Variants in GPKOW observed in about 807,000 individuals in gnomAD.
GPKOW encodes G-patch domain and KOW motifs.
For missense variants in GPKOW, 359 were observed against 404.7 expected, an observed-to-expected ratio of 0.89 and a Z score of 0.97; for synonymous variants, 167 against 159.1, an observed-to-expected ratio of 1.05 and a Z score of -0.37.
intron 3 of GPKOW, among the ~76,000 whole-genome samples, chrX:49,121,847 C>T (rs1477370025): frequency 8.9e-6 from 1 of 111,890 alleles, no homozygotes; most frequent in Non-Finnish European, 1.9e-5. Context: ...GGTCTAAGTC[C>T]CCAGCATCTC....
chrX:49,118,874 A>G (rs782293077), intron 4 of GPKOW, among the ~76,000 whole-genome samples: 1 of 109,925 alleles, frequency 9.1e-6, no homozygotes, highest in Non-Finnish European at 1.9e-5. Context: ...CTGCATGACA[A>G]TAGCAAATGT....
At chrX:49,117,190 T>C (rs368001080) in intron 5 of GPKOW, 28 bp from the exon 6 acceptor site, 14 of 1,204,219 alleles carry the variant, frequency 1.2e-5, no homozygotes, top group Non-Finnish European at 1.6e-5. Flanking sequence ...AGAAGTCAGG[T>C]AGGGGTTGTG....
chrX:49,118,505 G>A (rs1020004298), intron 4 of GPKOW, among the ~76,000 whole-genome samples: 34 of 109,401 alleles, frequency 3.1e-4, no homozygotes, highest in African/African-American at 9.3e-4. Context: ...TTGGGAGACC[G>A]AGGTTGGTAG....
At chrX:49,116,746 C>A (rs979820753) in intron 6 of GPKOW, among the ~76,000 whole-genome samples, 1 of 112,031 alleles carries the variant, frequency 8.9e-6, no homozygotes, top group South Asian at 3.7e-4. Flanking sequence ...AGGTTCATCA[C>A]CCCAAATGGA....
At chrX:49,121,752 T>C (rs2065213773) in intron 3 of GPKOW, among the ~76,000 whole-genome samples, 1 of 110,694 alleles carries the variant, frequency 9.0e-6, no homozygotes, top group Non-Finnish European at 1.9e-5. Flanking sequence ...CACTATGCCA[T>C]TGCTTGGGCT....
intron 3 of GPKOW, among the ~76,000 whole-genome samples, chrX:49,120,995 A>AG (rs1418043093): frequency 9.8e-5 from 11 of 111,789 alleles, no homozygotes; most frequent in African/African-American, 3.6e-4. Flanking sequence ...AGTGAGAGGA[A>AG]GGATGGATGG....
intron 3 of GPKOW, among the ~76,000 whole-genome samples, chrX:49,122,141 G>A (rs2065214980): frequency 8.9e-6 from 1 of 112,456 alleles, no homozygotes; most frequent in Non-Finnish European, 1.9e-5. Context: ...ACTTTAGGCA[G>A]TGTCTACCTT....
In GPKOW at chrX:49,123,646, G is replaced by C; in HGVS notation, c.77C>G (p.Thr26Arg). ...TAPISFGFTR[T>R]SARRRLADSG... is the part of the protein sequence containing the mutation. ...GTCGGCCAGCCGCCTCCGTGCGGAC[G>C]TGCGAGTGAAGCCGAATGAAATTGG... is the stretch of plus-strand genomic sequence containing the variant. The change falls in exon 1 of 11, where the codon ACG (threonine) becomes AGG (arginine). Residue 26 changes from threonine to arginine, a missense_variant. Coordinates refer to ENST00000156109, the MANE Select transcript of GPKOW (RefSeq NM_015698.6). The C allele has an allele frequency of 8.3e-7, 1 of 1,210,013 alleles. No individual in the cohort carries two copies. The highest frequency in any genetic ancestry group is 1.1e-6 in the Non-Finnish European group (1 of 894,376).
intron 3 of GPKOW, among the ~76,000 whole-genome samples, chrX:49,121,266 A>G (rs2065212156): frequency 9.1e-6 from 1 of 109,934 alleles, no homozygotes; most frequent in South Asian, 4.0e-4. Flanking sequence ...GTCTCTACTA[A>G]AAATACAAAA....
chrX:49,122,035 G>A (rs1012355185), intron 3 of GPKOW, among the ~76,000 whole-genome samples: 1 of 111,840 alleles, frequency 8.9e-6, no homozygotes, highest in African/African-American at 3.2e-5. Context: ...GCCCTGCCTG[G>A]TCTAGCACCC....
At chrX:49,114,090 G>A in intron 9 of GPKOW, 152 bp from the exon 10 acceptor site, 1 of 446,687 alleles carries the variant, frequency 2.2e-6, no homozygotes, top group Non-Finnish European at 4.0e-6. Flanking sequence ...TTGAGCCCAG[G>A]AGTTCGAGAC....
intron 9 of GPKOW, 124 bp from the exon 10 acceptor site, chrX:49,114,062 C>A (rs1483417087): frequency 2.0e-6 from 1 of 488,591 alleles, no homozygotes; most frequent in Non-Finnish European, 3.6e-6. Context: ...CTTTGGGAGG[C>A]TAAGTTGGGA....
intron 4 of GPKOW, among the ~76,000 whole-genome samples, chrX:49,119,468 T>G (rs59928112): frequency 0.094 from 10,478 of 111,207 alleles, 1,306 homozygotes; most frequent in African/African-American, 0.33. Context: ...ATTACCCCCA[T>G]TTTTCAGATG....
Position 49,117,720 on chromosome X carries a change from G to A in GPKOW, c.657C>T (p.Gly219=). The A allele has an allele frequency of 1.7e-6, 2 of 1,208,722 alleles. No individual in the cohort carries two copies. Among genetic ancestry groups the A allele is most frequent in the Non-Finnish European group, 2.2e-6 (2 of 892,813 alleles). The change falls in exon 5 of 11, where the codon GGC becomes GGT. Residue 219 remains glycine, a synonymous_variant. Coordinates refer to ENST00000156109, the MANE Select transcript of GPKOW (RefSeq NM_015698.6). ...CATCTGGTCTTGGCATGCGGGAGGG[G>A]CCAGTGGGGGTCAAGGCCTGGGCCT... ...LTEAQALTPT[G]PSRMPRPDEE...
chrX:49,123,601 G>A lies in GPKOW; in HGVS notation c.122C>T (p.Pro41Leu). 2.5e-6 allele frequency: 3 copies of A among 1,209,455 alleles called. No homozygotes were observed. Among genetic ancestry groups the A allele is most frequent in the Non-Finnish European group, 3.4e-6 (3 of 894,248 alleles). Residue 41 changes from proline (P) to leucine (L), a missense_variant, in exon 1 of 11, where the codon CCA (proline) becomes CTA (leucine). Pro to Leu is a moderately conservative substitution (Grantham distance 98). Transcript: ENST00000156109. ...CAAGAAATCCTTCTCCTCCGGAGAT[G>A]GCCCCGCGCCGTCTCCCGAGTCGGC... ...RLADSGDGAG[P>L]SPEEKDFLKT...
intron 7 of GPKOW, 39 bp downstream of exon 7, chrX:49,116,182 C>T (rs1275305857): frequency 1.8e-6 from 2 of 1,112,710 alleles, no homozygotes; most frequent in African/African-American, 3.6e-5. Flanking sequence ...TACCCACAGC[C>T]CTGCCTTCTT....
At chrX:49,116,805 TCAGA>T (rs1457316386) in intron 6 of GPKOW, among the ~76,000 whole-genome samples, 16 of 111,639 alleles carry the variant, frequency 1.4e-4, no homozygotes, top group African/African-American at 5.2e-4. Context: ...TTCTTCTCAC[TCAGA>T]CAGGCTACAG....
In GPKOW at chrX:49,116,434, G is replaced by C. The variant is rs1429361079; in HGVS notation, c.914-111C>G. ...CCTTCCAAGGCCATGTCTCAGCCTAGAGCCACCTCCCACCTGCCAAAGTGC... is the reference window on the plus strand; with the variant it reads ...CCTTCCAAGGCCATGTCTCAGCCTACAGCCACCTCCCACCTGCCAAAGTGC... On this transcript the variant is annotated intron_variant, in intron 6 of 10. Coordinates refer to ENST00000156109, the MANE Select transcript of GPKOW (RefSeq NM_015698.6). 37 of 517,437 alleles carry C rather than the reference G, an allele frequency of 7.2e-5. 1 individual carries two copies. The highest frequency in any genetic ancestry group is 4.7e-4 in the Admixed American group (16 of 33,751). The allele number at this position is 517,437 out of a possible 1,213,427, so 42.6% of individuals were successfully genotyped here.
chrX:49,116,459 C>T, intron 6 of GPKOW, 136 bp from the exon 7 acceptor site: 1 of 461,259 alleles, frequency 2.2e-6, no homozygotes, highest in Non-Finnish European at 3.9e-6. Context: ...TGCCAAAGTG[C>T]CCCTCTCACC....
Sources: gnomAD v4.1 joint callset for allele counts (sites outside exome capture counted in the v4.1 genomes callset) on GRCh38, gnomAD v4.1.1 for gene constraint, MANE v1.5 for transcripts, NCBI Gene and HGNC (gene_info 2026-07-23, HGNC 2026-07-21) for gene names.